MTMR9: variants seen among roughly 807,000 people sequenced by gnomAD.
The protein encoded by MTMR9 is myotubularin related protein 9.
MTMR9 carries 39 observed loss-of-function variants against 69.5 expected under a neutral mutation model. That is an observed-to-expected ratio of 0.56 (90% CI 0.43 to 0.73). MTMR9 has a LOEUF of 0.73. Ranked by LOEUF, MTMR9 falls within the 30% of genes least tolerant of loss-of-function variation. The pLI, the probability that MTMR9 is intolerant of heterozygous loss-of-function variation, is 0.00. For missense variants in MTMR9, 900 were observed against 671.2 expected, an observed-to-expected ratio of 1.34 and a Z score of -3.77; for synonymous variants, 354 against 240.8, an observed-to-expected ratio of 1.47 and a Z score of -4.35.
chr8:11,291,007 A>G lies in MTMR9; in HGVS notation c.183-4187A>G, dbSNP rs536728214. 5.3e-5 allele frequency among the ~76,000 whole-genome samples: 8 copies of G among 150,550 alleles called. No individual in the cohort carries two copies. In the South Asian group the frequency reaches 1.7e-3, roughly 32 times the overall value. The stretch of plus-strand genomic sequence containing the variant: ...TCAAAGGCAGTTGCAAAAATTGCAC[A>G]TAGAGGTTTTAGAATCGTCCACTCA... On this transcript the variant is annotated intron_variant, in intron 1 of 9. Transcript: ENST00000221086.
At chr8:11,294,730 C>T (rs1450448857) in intron 1 of MTMR9, 2 of 152,422 alleles carry the variant, frequency 1.3e-5, no homozygotes, top group Non-Finnish European at 2.9e-5. Flanking sequence ...ACCTCGTGAT[C>T]CACCCGCCTT....
intron 3 of MTMR9, among the ~76,000 whole-genome samples, chr8:11,302,271 AAAAG>A (rs1328123460): frequency 1.7e-5 from 2 of 115,646 alleles, no homozygotes; most frequent in African/African-American, 6.8e-5. Flanking sequence ...AAAAAAAAAA[AAAAG>A]AGGAAGACAA....
chr8:11,338,219 G>A, the MTMR9 span, among the ~76,000 whole-genome samples: 2 of 152,222 alleles, frequency 1.3e-5, no homozygotes, highest in South Asian at 2.1e-4. Flanking sequence ...CCTCGGCAGA[G>A]TATTGAAGAA....
chr8:11,337,606 C>A, the MTMR9 span, among the ~76,000 whole-genome samples: 2 of 152,250 alleles, frequency 1.3e-5, no homozygotes, highest in African/African-American at 2.4e-5. Flanking sequence ...GAGATTTCTG[C>A]ATTCTATATA....
intron 9 of MTMR9, among the ~76,000 whole-genome samples, chr8:11,322,423 C>G (rs548327481): frequency 2.0e-5 from 3 of 152,142 alleles, no homozygotes; most frequent in African/African-American, 4.8e-5. Flanking sequence ...GTAGTGACTT[C>G]TCAAATATTG....
At chr8:11,328,372 T>TG (rs58045369), downstream of MTMR9, among the ~76,000 whole-genome samples, 50,705 of 137,640 alleles carry the variant, frequency 0.37, 9,553 homozygotes, top group East Asian at 0.68. Context: ...TGTGTGTGTG[T>TG]TTGTTACACT....
intron 1 of MTMR9, among the ~76,000 whole-genome samples, chr8:11,285,763 G>C (rs3808518): frequency 6.6e-6 from 1 of 151,650 alleles, no homozygotes; most frequent in African/African-American, 2.4e-5. Context: ...ACTTTCATCT[G>C]CATTCAAAAT....
chr8:11,310,371 G>A (rs945386212), intron 6 of MTMR9, among the ~76,000 whole-genome samples: 2 of 152,294 alleles, frequency 1.3e-5, no homozygotes, highest in East Asian at 3.9e-4. Flanking sequence ...GAAACAGTAG[G>A]TAGATATAAG....
At chr8:11,306,466 C>G in intron 5 of MTMR9, 59 bp downstream of exon 5, 2 of 1,460,800 alleles carry the variant, frequency 1.4e-6, no homozygotes, top group Non-Finnish European at 1.9e-6. Context: ...GTGGGTAAGG[C>G]CTTAGCCATT....
chr8:11,289,434 A>G (rs1367524227), intron 1 of MTMR9, among the ~76,000 whole-genome samples: 1 of 151,994 alleles, frequency 6.6e-6, no homozygotes, highest in African/African-American at 2.4e-5. Context: ...ACATCATTTT[A>G]TTTGATCCTT....
At chr8:11,335,651 T>C in the MTMR9 span, among the ~76,000 whole-genome samples, 1 of 152,160 alleles carries the variant, frequency 6.6e-6, no homozygotes, top group South Asian at 2.1e-4. Context: ...ACTTCAAGAT[T>C]TATTATAAAG....
At chr8:11,335,845 C>T in the MTMR9 span, among the ~76,000 whole-genome samples, 6 of 152,094 alleles carry the variant, frequency 3.9e-5, no homozygotes, top group Non-Finnish European at 5.9e-5. Context: ...TGGATTATAT[C>T]GCACCCTAAT....
In MTMR9 at chr8:11,297,105, A is replaced by AT. The variant is rs201645811; in HGVS notation, c.291+1809dup. On this transcript the variant is annotated intron_variant, in intron 2 of 9. Transcript: ENST00000221086. Reference sequence around the variant, plus strand: ...TTTCTAGACTACTATAGGAACGTTGATTTTTTCTTTCCGTGTATGTGTAAC... The same window carrying AT: ...TTTCTAGACTACTATAGGAACGTTGATTTTTTTCTTTCCGTGTATGTGTAAC... Among the ~76,000 whole-genome samples, 216 of 152,210 alleles carry AT rather than the reference A, an allele frequency of 1.4e-3. 1 individual carries two copies. The highest frequency in any genetic ancestry group is 6.8e-3 in the Middle Eastern group (2 of 292).
chr8:11,290,830 C>T (rs1359109866), intron 1 of MTMR9, among the ~76,000 whole-genome samples: 4 of 149,640 alleles, frequency 2.7e-5, no homozygotes. Flanking sequence ...GTGATGTGTC[C>T]AAAAATCGGA....
chr8:11,295,186 T>A lies in MTMR9; in HGVS notation c.183-8T>A, dbSNP rs1226328526. ...GTGTTCCTAAACATGATTTGCAATT[T>A]CTTACAGATTTGTAGGATCACTGGG... On this transcript the variant is annotated splice_polypyrimidine_tract_variant and splice_region_variant and intron_variant, in intron 1 of 9. Coordinates refer to ENST00000221086, the MANE Select transcript of MTMR9 (RefSeq NM_015458.4). The A allele has an allele frequency of 2.0e-6, 3 of 1,504,936 alleles. No individual in the cohort carries two copies. Among genetic ancestry groups the A allele is most frequent in the Non-Finnish European group, 2.8e-6 (3 of 1,089,056 alleles). The allele number at this position is 1,504,936 out of a possible 1,614,324, so 93.2% of individuals were successfully genotyped here. A position where few individuals can be genotyped will look rare whatever the true frequency, so the allele number is the denominator to read the frequency against.
At chr8:11,330,499 T>G (rs1334822791), downstream of MTMR9, among the ~76,000 whole-genome samples, 4 of 152,286 alleles carry the variant, frequency 2.6e-5, no homozygotes, top group South Asian at 8.3e-4. Context: ...GGGGAAAAGA[T>G]AGAGAAATCA....
chr8:11,338,898 G>C, the MTMR9 span, among the ~76,000 whole-genome samples: 2 of 152,256 alleles, frequency 1.3e-5, no homozygotes, highest in East Asian at 1.9e-4. Flanking sequence ...GAATAATTTT[G>C]TGCTGGGAAG....
At chr8:11,319,890 T>C in intron 9 of MTMR9, 52 bp downstream of exon 9, 1 of 1,588,418 alleles carries the variant, frequency 6.3e-7, no homozygotes, top group Non-Finnish European at 8.6e-7. Flanking sequence ...TGCATGCGGC[T>C]GCCTGTGAGT....
chr8:11,307,384 T>A (rs1799980521), intron 5 of MTMR9, among the ~76,000 whole-genome samples: 1 of 152,208 alleles, frequency 6.6e-6, no homozygotes, highest in Admixed American at 6.5e-5. Flanking sequence ...CCCTCTTTTT[T>A]AAGGCTGAAT....
Sources: gnomAD v4.1 joint callset for allele counts (sites outside exome capture counted in the v4.1 genomes callset) on GRCh38, gnomAD v4.1.1 for gene constraint, MANE v1.5 for transcripts, NCBI Gene and HGNC (gene_info 2026-07-23, HGNC 2026-07-21) for gene names.